Variants in LYPD1 observed in about 807,000 individuals in gnomAD.
The protein encoded by LYPD1 is ly6/PLAUR domain-containing protein 1.
In LYPD1, 14 loss-of-function variants were observed where a neutral mutation model predicts 14.2. That is an observed-to-expected ratio of 0.99 (90% confidence interval 0.65 to 1.54). LYPD1 has a LOEUF of 1.54. LYPD1 is among the 40% of genes most tolerant of loss of function. LYPD1 has a pLI of 0.00. For synonymous variants in LYPD1, 85 were observed against 70.6 expected (o/e 1.20, Z -1.02); for missense variants, 165 against 175.7 (o/e 0.94, Z 0.34).
intron 2 of LYPD1, among the ~76,000 whole-genome samples, chr2:132,662,337 G>A (rs1184343513): frequency 2.6e-5 from 4 of 152,108 alleles, no homozygotes; most frequent in Admixed American, 2.6e-4. Flanking sequence ...CAGTCAGCCT[G>A]TTTCTACATT....
At chr2:132,647,247 AACTTGCCC>A (rs1313800318) in intron 2 of LYPD1, among the ~76,000 whole-genome samples, 2 of 152,200 alleles carry the variant, frequency 1.3e-5, no homozygotes, top group African/African-American at 4.8e-5. Flanking sequence ...TAGATTTAGT[AACTTGCCC>A]AAGGTCACAT....
intron 2 of LYPD1, among the ~76,000 whole-genome samples, chr2:132,650,352 T>C (rs908395581): frequency 7.2e-5 from 11 of 152,166 alleles, no homozygotes; most frequent in Admixed American, 4.6e-4. Flanking sequence ...CTTTCCCACA[T>C]TGTTGGTTAG....
chr2:132,657,905 T>C (rs1682694693), intron 2 of LYPD1, among the ~76,000 whole-genome samples: 1 of 152,176 alleles, frequency 6.6e-6, no homozygotes, highest in Admixed American at 6.5e-5. Context: ...TCTAATCTTG[T>C]GCATGGACTT....
At chr2:132,647,397 G>A (rs1682155047) in intron 2 of LYPD1, among the ~76,000 whole-genome samples, 1 of 152,242 alleles carries the variant, frequency 6.6e-6, no homozygotes, top group Admixed American at 6.5e-5. Context: ...TTTAGGGGGA[G>A]AGGGTTTACT....
intron 2 of LYPD1, among the ~76,000 whole-genome samples, chr2:132,650,135 T>C (rs1041173512): frequency 6.6e-6 from 1 of 152,050 alleles, no homozygotes; most frequent in African/African-American, 2.4e-5. Context: ...AAGGAATAAA[T>C]AACTCATTAG....
intron 2 of LYPD1, among the ~76,000 whole-genome samples, chr2:132,657,730 G>T (rs745715738): frequency 6.6e-6 from 1 of 152,218 alleles, no homozygotes; most frequent in Admixed American, 6.5e-5. Context: ...ACATTTGTTG[G>T]TATATGTGTT....
chr2:132,669,605 T>TCC lies in LYPD1; in HGVS notation c.52+274_52+275dup, dbSNP rs1215654514. ...CCAGAACCCAGCACCGCTCGGACCC[T>TCC]CCCTCCTCTCAAGCCCAGCTTCTCC... On this transcript the variant is annotated intron_variant, in intron 1 of 2. Transcript: ENST00000397463. This position sits in a 1 kb window ranked among gnomAD's most constrained non-coding sequence, Gnocchi z 4.3. Among the ~76,000 whole-genome samples the TCC allele has an allele frequency of 6.6e-6, 1 of 151,464 alleles. No individual in the cohort carries two copies.
intron 2 of LYPD1, among the ~76,000 whole-genome samples, chr2:132,659,664 G>A (rs926196852): frequency 6.6e-6 from 1 of 152,202 alleles, no homozygotes; most frequent in Non-Finnish European, 1.5e-5. Context: ...TCCTCTCAGA[G>A]AATGTTAACT....
chr2:132,659,574 T>C (rs1198473196), intron 2 of LYPD1, among the ~76,000 whole-genome samples: 1 of 152,242 alleles, frequency 6.6e-6, no homozygotes, highest in Non-Finnish European at 1.5e-5. Flanking sequence ...TAACTCACTC[T>C]TATGCAGAAT....
At chr2:132,647,630 C>T (rs1234328076) in intron 2 of LYPD1, among the ~76,000 whole-genome samples, 1 of 152,190 alleles carries the variant, frequency 6.6e-6, no homozygotes, top group African/African-American at 2.4e-5. Flanking sequence ...TGCGCCCGGC[C>T]ATATGTGGCT....
chr2:132,648,903 T>G (rs1000809015), intron 2 of LYPD1, among the ~76,000 whole-genome samples: 1 of 152,132 alleles, frequency 6.6e-6, no homozygotes, highest in Non-Finnish European at 1.5e-5. Flanking sequence ...CCAGGCACCC[T>G]GAGGAGGCAT....
chr2:132,671,168 A>C (rs144709355), upstream of LYPD1: 2 of 152,424 alleles, frequency 1.3e-5, no homozygotes, highest in Non-Finnish European at 2.9e-5. Flanking sequence ...CGCAAAGTCC[A>C]AGTGACCCAC....
At position 132,670,028 on chromosome 2, in the gene LYPD1, C is replaced by A. The variant is rs1375091692; in HGVS notation, c.-96G>T. 2 of 1,561,492 alleles carry A rather than the reference C, an allele frequency of 1.3e-6. No individual in the cohort carries two copies. Among genetic ancestry groups the A allele is most frequent in the Non-Finnish European group, 1.7e-6 (2 of 1,162,382 alleles). ...GCTGCAGCGGCTGTGGCTGCCGAGG[C>A]TGCTGGGGCCCGCGCTGCTGCCGCG... On this transcript the variant is annotated 5_prime_UTR_variant, in exon 1 of 3. Transcript: ENST00000397463. This position sits in a 1 kb window ranked among gnomAD's most constrained non-coding sequence, Gnocchi z 4.5.
At position 132,669,860 on chromosome 2, in the gene LYPD1, C is replaced by T. The variant is rs375699371; in HGVS notation, c.52+21G>A. On this transcript the variant is annotated intron_variant, in intron 1 of 2. Transcript: ENST00000397463. The surrounding 1 kb of genome is among the most constrained non-coding windows in gnomAD (Gnocchi z 4.3). Reference sequence around the variant, plus strand: ...GATTGTGCGCACCTGGCCTCGGCTGCTGGCCTCTGGGTATTCTCACCTGGA... The same window carrying T: ...GATTGTGCGCACCTGGCCTCGGCTGTTGGCCTCTGGGTATTCTCACCTGGA... 261 of 1,611,698 alleles carry T rather than the reference C, an allele frequency of 1.6e-4. No individual in the cohort carries two copies. Among genetic ancestry groups the T allele is most frequent in the Non-Finnish European group, 2.0e-4 (237 of 1,179,034 alleles).
At chr2:132,646,991 C>CAAAG (rs1050664117) in intron 2 of LYPD1, among the ~76,000 whole-genome samples, 41 of 152,328 alleles carry the variant, frequency 2.7e-4, no homozygotes, top group Non-Finnish European at 3.5e-4. Context: ...GGGCCTGTCT[C>CAAAG]AAAGAGCATG....
intron 2 of LYPD1, among the ~76,000 whole-genome samples, chr2:132,664,430 A>G (rs1381529094): frequency 6.6e-6 from 1 of 152,252 alleles, no homozygotes; most frequent in East Asian, 1.9e-4. Context: ...CTTAATGAGC[A>G]ACTAACTAAT....
intron 2 of LYPD1, among the ~76,000 whole-genome samples, chr2:132,656,342 GAA>G (rs1682596174): frequency 6.6e-6 from 1 of 152,114 alleles, no homozygotes; most frequent in Admixed American, 6.5e-5. Context: ...TTCCCTACTG[GAA>G]AAATAACTAA....
intron 2 of LYPD1, among the ~76,000 whole-genome samples, chr2:132,662,728 T>C (rs1683028105): frequency 6.6e-6 from 1 of 152,206 alleles, no homozygotes; most frequent in Non-Finnish European, 1.5e-5. Context: ...TGTTTTGTTT[T>C]CATACTTCGT....
intron 2 of LYPD1, among the ~76,000 whole-genome samples, chr2:132,655,264 G>T (rs999259339): frequency 6.6e-6 from 1 of 152,124 alleles, no homozygotes; most frequent in African/African-American, 2.4e-5. Flanking sequence ...ATGCCAATTT[G>T]AAAGCTCATT....
Sources: gnomAD v4.1 joint callset for allele counts (sites outside exome capture counted in the v4.1 genomes callset) on GRCh38, gnomAD v4.1.1 for gene constraint, Gnocchi (gnomAD v3.1) non-coding constraint, MANE v1.5 for transcripts, NCBI Gene and HGNC (gene_info 2026-07-23, HGNC 2026-07-21) for gene names.